The following ACCS variants were observed in gnomAD, a reference collection of about 807,000 sequenced individuals.
The protein encoded by ACCS is 1-aminocyclopropane-1-carboxylate synthase-like protein 1.
In ACCS, 42 loss-of-function variants were observed where a neutral mutation model predicts 59.8. The observed-to-expected ratio is 0.70, with a 90% confidence interval of 0.55 to 0.91. The LOEUF (loss-of-function observed/expected upper bound fraction) is 0.91, where lower values mean the gene tolerates loss of function less well. Among genes scored for constraint, ACCS ranks in the 40% least tolerant of loss-of-function variants. ACCS has a pLI of 0.00. For synonymous variants in ACCS, 230 were observed against 240.3 expected, an observed-to-expected ratio of 0.96 and a Z score of 0.40; for missense variants, 602 against 630.4, an observed-to-expected ratio of 0.95 and a Z score of 0.48.
Position 44,081,066 on chromosome 11 carries a change from G to T in ACCS, c.969+1G>T. On this transcript the variant is annotated splice_donor_variant, in intron 11 of 14. Coordinates refer to ENST00000263776, the MANE Select transcript of ACCS (RefSeq NM_032592.4). LOFTEE classifies it high-confidence loss of function. ...CCATGTGATGTGGGCAACCAGCAAGGTGAGTTCCTGGCTGGCCTTGGGGGT... is the reference window on the plus strand; with the variant it reads ...CCATGTGATGTGGGCAACCAGCAAGTTGAGTTCCTGGCTGGCCTTGGGGGT... 6.2e-7 allele frequency: 1 copy of T among 1,614,236 alleles called. No individual in the cohort carries two copies. Among genetic ancestry groups the T allele is most frequent in the Non-Finnish European group, 8.5e-7 (1 of 1,180,046 alleles).
rs1953417600 is a variant in ACCS at position 44,077,314 on chromosome 11, A to G, written c.592A>G (p.Ile198Val). The change falls in exon 7 of 15, where the codon ATC (isoleucine) becomes GTC (valine). Residue 198 changes from isoleucine to valine, a missense_variant. Transcript: ENST00000263776. ...FLIPTPYYGA[I>V]TQHVCLYGNI... ...GATCCCCACCCCTTACTATGGCGCT[A>G]TCACACAGCACGTGTGTCTCTATGG... The G allele has an allele frequency of 2.5e-6, 4 of 1,614,122 alleles. No individual in the cohort carries two copies. The highest frequency in any genetic ancestry group is 3.4e-6 in the Non-Finnish European group (4 of 1,180,004).
intron 12 of ACCS, among the ~76,000 whole-genome samples, chr11:44,082,912 A>T (rs946772284): frequency 5.3e-5 from 8 of 151,800 alleles, no homozygotes; most frequent in African/African-American, 1.9e-4. Flanking sequence ...ATCCTGGGGG[A>T]CTTTGCGCTG....
At position 44,083,945 on chromosome 11, in the gene ACCS, A is replaced by G; in HGVS notation, c.*153A>G. Reference sequence around the variant, plus strand: ...AGAACTGTTTCTTGTCTTTCGCTGTAGCAGTGGGAAACTCCTTAAGCTGTG... The same window carrying G: ...AGAACTGTTTCTTGTCTTTCGCTGTGGCAGTGGGAAACTCCTTAAGCTGTG... On this transcript the variant is annotated 3_prime_UTR_variant, in exon 15 of 15. Transcript: ENST00000263776. 1 of 1,450,628 alleles carries G rather than the reference A, an allele frequency of 6.9e-7. No homozygotes were observed. The highest frequency in any genetic ancestry group is 9.1e-7 in the Non-Finnish European group (1 of 1,101,418). The allele number at this position is 1,450,628 out of a possible 1,614,324, so 89.9% of individuals were successfully genotyped here.
chr11:44,077,240 G>T (rs751318210), intron 6 of ACCS, 39 bp from the exon 7 acceptor site: 1 of 1,602,090 alleles, frequency 6.2e-7, no homozygotes, highest in South Asian at 1.1e-5. Context: ...GGGTGTTCTG[G>T]CCAGAAAGTG....
chr11:44,068,032 T>A lies in ACCS; in HGVS notation c.288+117T>A. On this transcript the variant is annotated intron_variant, in intron 2 of 14. Coordinates refer to ENST00000263776, the MANE Select transcript of ACCS (RefSeq NM_032592.4). ...TTATGAGGTTGGAGTTATGGTACTC[T>A]GACCTCCAAGAGGGCTTCTGATGTA... 1.7e-6 allele frequency: 2 copies of A among 1,159,166 alleles called. 1 individual carries two copies. The highest frequency in any genetic ancestry group is 3.3e-5 in the South Asian group (2 of 60,414). 71.8% of individuals were successfully genotyped at this position (1,159,166 alleles called of 1,614,324 possible). A position where few individuals can be genotyped will look rare whatever the true frequency, so the allele number is the denominator to read the frequency against.
intron 3 of ACCS, 31 bp downstream of exon 3, chr11:44,071,346 A>C: frequency 4.3e-6 from 7 of 1,609,616 alleles, no homozygotes; most frequent in Non-Finnish European, 6.0e-6. Context: ...AGGGGGCATC[A>C]CCAGCTCCGA....
Position 44,075,592 on chromosome 11 carries a change from G to T in ACCS, c.556G>T (p.Glu186Ter), listed in dbSNP as rs1476261555. 3 of 1,613,866 alleles carry T rather than the reference G, an allele frequency of 1.9e-6. No homozygotes were observed. Among genetic ancestry groups the T allele is most frequent in the Non-Finnish European group, 2.5e-6 (3 of 1,180,026 alleles). The change falls in exon 6 of 15, where the codon GAG becomes TAG. Residue 186 changes from glutamate (E) to a stop codon, truncating the protein, a stop_gained and splice_region_variant. Transcript: ENST00000263776. LOFTEE classifies it high-confidence loss of function. ...ALATVLCEAGEAFLIPTPYYG... is the reference protein window; with the variant it reads ...ALATVLCEAG ...GGCCACGGTGCTGTGTGAGGCCGGG[G>T]GTAAGTGAGCTCTGTGGCCTGCCCC...
rs758969706 is a variant in ACCS at position 44,071,527 on chromosome 11, T to C, written c.348+212T>C. On this transcript the variant is annotated intron_variant, in intron 3 of 14. Coordinates refer to ENST00000263776, the MANE Select transcript of ACCS (RefSeq NM_032592.4). ...GTCCTATTTCTTCATCTCTGTAGAC[T>C]CTTATTTCACTCAGTCCCTCCTGCT... 3 of 538,524 alleles carry C rather than the reference T, an allele frequency of 5.6e-6. 1 individual carries two copies. The highest frequency in any genetic ancestry group is 9.9e-4 in the Middle Eastern group (2 of 2,028). 33.4% of individuals were successfully genotyped at this position (538,524 alleles called of 1,614,324 possible). A position where few individuals can be genotyped will look rare whatever the true frequency, so the allele number is the denominator to read the frequency against.
chr11:44,083,798 T>C lies in ACCS; in HGVS notation c.*6T>C. On this transcript the variant is annotated 3_prime_UTR_variant, in exon 15 of 15. Transcript: ENST00000263776. Reference sequence around the variant, plus strand: ...CAAGTGACCAACGCAGGTGAGCTGGTCATTGTCTCGTGGCCAGAGGGCCCA... The same window carrying C: ...CAAGTGACCAACGCAGGTGAGCTGGCCATTGTCTCGTGGCCAGAGGGCCCA... 1 of 1,599,628 alleles carries C rather than the reference T, an allele frequency of 6.3e-7. No individual in the cohort carries two copies. Among genetic ancestry groups the C allele is most frequent in the Non-Finnish European group, 8.5e-7 (1 of 1,172,898 alleles).
chr11:44,067,540 A>C, intron 1 of ACCS, 88 bp from the exon 2 acceptor site: 2 of 1,380,850 alleles, frequency 1.4e-6, no homozygotes, highest in Non-Finnish European at 2.0e-6. Context: ...AGATAAGAGA[A>C]AGGGGACTCC....
rs1377627344 is a variant in ACCS, at chr11:44,077,967, G to A, written c.732+45G>A. Reference sequence around the variant, plus strand: ...CCTGAGGCTGGGTGTGGGTGGGTCTGAGCAGGGTCTGGACCCCTCTTCTTG... The same window carrying A: ...CCTGAGGCTGGGTGTGGGTGGGTCTAAGCAGGGTCTGGACCCCTCTTCTTG... On this transcript the variant is annotated intron_variant, in intron 8 of 14. Coordinates refer to ENST00000263776, the MANE Select transcript of ACCS (RefSeq NM_032592.4). The A allele has an allele frequency of 3.1e-6, 5 of 1,600,812 alleles. No homozygotes were observed. The South Asian group carries it at 4.5e-5, about 15-fold the overall frequency.
At chr11:44,069,560 C>A (rs1366541607) in intron 2 of ACCS, among the ~76,000 whole-genome samples, 1 of 152,216 alleles carries the variant, frequency 6.6e-6, no homozygotes, top group Non-Finnish European at 1.5e-5. Flanking sequence ...GCCTCAAGAT[C>A]TTTTGTGAAG....
rs1182456940 is a variant in ACCS at position 44,081,192 on chromosome 11, C to G, written c.983C>G (p.Ser328Cys). ...TTCTTCCTGCAGGACTTCGGGATGT[C>G]TGGGCTCCGCTTTGGCACGCTGTAC... is the stretch of plus-strand genomic sequence containing the variant. ...MWATSKDFGM[S>C]GLRFGTLYTE... is the part of the protein sequence containing the mutation. Residue 328 changes from serine (S) to cysteine (C), a missense_variant, in exon 12 of 15, where the codon TCT (serine) becomes TGT (cysteine). Coordinates refer to ENST00000263776, the MANE Select transcript of ACCS (RefSeq NM_032592.4). 2 of 1,614,226 alleles carry G rather than the reference C, an allele frequency of 1.2e-6. No individual in the cohort carries two copies. Among genetic ancestry groups the G allele is most frequent in the Non-Finnish European group, 1.7e-6 (2 of 1,180,040 alleles).
rs777745052 is a variant in ACCS, at chr11:44,083,485, A to G, written c.1316A>G (p.Lys439Arg). 1 of 1,614,224 alleles carries G rather than the reference A, an allele frequency of 6.2e-7. No homozygotes were observed. The highest frequency in any genetic ancestry group is 1.1e-5 in the South Asian group (1 of 91,084). Residue 439 changes from lysine (K) to arginine (R), a missense_variant, in exon 14 of 15, where the codon AAG (lysine) becomes AGG (arginine). Physicochemically the swap from Lys to Arg is conservative, Grantham distance 26. Coordinates refer to ENST00000263776, the MANE Select transcript of ACCS (RefSeq NM_032592.4). ...MLLWRRFLDN[K>R]VLLSFGKAFE... ...CTCTGGCGCCGCTTTTTGGACAACA[A>G]GGTGCTGCTGTCCTTTGGCAAGGCC...
At chr11:44,077,566 C>G in intron 7 of ACCS, 190 bp downstream of exon 7, 1 of 1,441,378 alleles carries the variant, frequency 6.9e-7, no homozygotes, top group Non-Finnish European at 9.1e-7. Context: ...CTCTGAGATC[C>G]CTGGGGTTGA....
intron 10 of ACCS, 188 bp from the exon 11 acceptor site, chr11:44,080,832 G>A (rs997619305): frequency 4.8e-5 from 31 of 642,176 alleles, no homozygotes; most frequent in Middle Eastern, 8.4e-4. Flanking sequence ...TGTTTGGCCC[G>A]CGGGCTGTCA....
chr11:44,077,811 A>T, intron 7 of ACCS, 34 bp from the exon 8 acceptor site: 1 of 1,608,602 alleles, frequency 6.2e-7, no homozygotes, highest in Non-Finnish European at 8.5e-7. Context: ...TGGTCACTGA[A>T]TGTGGCTGGT....
chr11:44,080,591 A>G (rs145890105), intron 10 of ACCS: 55 of 192,040 alleles, frequency 2.9e-4, no homozygotes, highest in African/African-American at 1.1e-3. Context: ...TCTAGCCAGA[A>G]AAACCATTTT....
At position 44,075,572 on chromosome 11, in the gene ACCS, C is replaced by G. The variant is rs150749056; in HGVS notation, c.536C>G (p.Thr179Arg). ...GCCTCGCTCTTCTCTGCTCTGGCCA[C>G]GGTGCTGTGTGAGGCCGGGGGTAAG... is the stretch of plus-strand genomic sequence containing the variant. ...GGASLFSALA[T>R]VLCEAGEAFL... The change falls in exon 6 of 15, where the codon ACG becomes AGG. Residue 179 changes from threonine (T) to arginine (R), a missense_variant. Physicochemically the swap from Thr to Arg is moderately conservative, Grantham distance 71. Coordinates refer to ENST00000263776, the MANE Select transcript of ACCS (RefSeq NM_032592.4). 1.2e-6 allele frequency: 2 copies of G among 1,614,054 alleles called. No individual in the cohort carries two copies. The highest frequency in any genetic ancestry group is 1.7e-6 in the Non-Finnish European group (2 of 1,180,058).
Sources: gnomAD v4.1 joint callset for allele counts (sites outside exome capture counted in the v4.1 genomes callset) on GRCh38, gnomAD v4.1.1 for gene constraint, MANE v1.5 for transcripts, NCBI Gene and HGNC (gene_info 2026-07-23, HGNC 2026-07-21) for gene names.